Variants in OR3A2 observed in about 807,000 individuals in gnomAD.
OR3A2 encodes the protein olfactory receptor 3A2.
For missense variants in OR3A2, 318 were observed against 392.8 expected, an observed-to-expected ratio of 0.81 and a Z score of 1.61; for synonymous variants, 126 against 159.3, an observed-to-expected ratio of 0.79 and a Z score of 1.57.
intron 2 of OR3A2, among the ~76,000 whole-genome samples, chr17:3,341,305 T>C (rs1441318059): frequency 1.1e-4 from 16 of 152,210 alleles, no homozygotes; most frequent in Non-Finnish European, 1.0e-4. Flanking sequence ...ATTCTGTCAT[T>C]ATGATGTTAG....
At chr17:3,281,145 T>A (rs1316177677) in intron 1 of OR3A2, among the ~76,000 whole-genome samples, 1 of 152,098 alleles carries the variant, frequency 6.6e-6, no homozygotes, top group Non-Finnish European at 1.5e-5. Flanking sequence ...ACATTAGATT[T>A]ATGTGGGAGC....
intron 3 of OR3A2, among the ~76,000 whole-genome samples, chr17:3,332,721 C>G (rs2049248123): frequency 6.6e-6 from 1 of 152,214 alleles, no homozygotes; most frequent in South Asian, 2.1e-4. Flanking sequence ...ATCTTGGCTC[C>G]TCCCCTCTTA....
intron 2 of OR3A2, among the ~76,000 whole-genome samples, chr17:3,361,877 C>T (rs2049519843): frequency 6.6e-6 from 1 of 151,350 alleles, no homozygotes; most frequent in South Asian, 2.1e-4. Flanking sequence ...CTAAAATTCT[C>T]TTTTTTTGTT....
At chr17:3,318,511 G>A (rs1401214146) in intron 3 of OR3A2, among the ~76,000 whole-genome samples, 1 of 152,162 alleles carries the variant, frequency 6.6e-6, no homozygotes, top group Non-Finnish European at 1.5e-5. Context: ...TCTGCTTATC[G>A]AGACCGCATT....
At chr17:3,346,530 A>G (rs2150650796) in intron 2 of OR3A2, among the ~76,000 whole-genome samples, 1 of 152,310 alleles carries the variant, frequency 6.6e-6, no homozygotes, top group Non-Finnish European at 1.5e-5. Flanking sequence ...TTGTGTCACA[A>G]ACAATCCAAT....
intron 2 of OR3A2, among the ~76,000 whole-genome samples, chr17:3,344,794 G>T (rs530171500): frequency 1.1e-3 from 161 of 152,260 alleles, no homozygotes; most frequent in African/African-American, 3.6e-3. Context: ...TTAGGGAAGG[G>T]CATCTGACCC....
chr17:3,321,053 A>C lies in OR3A2; in HGVS notation c.-85+14980T>G, dbSNP rs186875189. On this transcript the variant is annotated intron_variant, in intron 3 of 4. Coordinates refer to the OR3A2 transcript ENST00000573491. The stretch of plus-strand genomic sequence containing the variant: ...ATTTCTTTGTATCCTCTTTTATTTC[A>C]TTGAGCAGTGGTTTGTAGTTCTCCT... 5.8e-4 allele frequency among the ~76,000 whole-genome samples: 88 copies of C among 152,054 alleles called. No homozygotes were observed. The South Asian group carries it at 6.7e-3, about 11-fold the overall frequency.
intron 2 of OR3A2, among the ~76,000 whole-genome samples, chr17:3,340,467 G>A (rs1159672880): frequency 1.3e-5 from 2 of 152,126 alleles, no homozygotes; most frequent in Non-Finnish European, 2.9e-5. Context: ...GGTACGTTGT[G>A]TCTTTGTTCT....
intron 2 of OR3A2, among the ~76,000 whole-genome samples, chr17:3,361,580 G>A (rs910768427): frequency 5.9e-5 from 9 of 151,530 alleles, no homozygotes; most frequent in Non-Finnish European, 1.3e-4. Context: ...ATTATTTTGA[G>A]ATACGTCCCA....
intron 2 of OR3A2, among the ~76,000 whole-genome samples, chr17:3,356,044 C>T (rs901747511): frequency 2.0e-5 from 3 of 151,094 alleles, no homozygotes; most frequent in Admixed American, 1.3e-4. Flanking sequence ...TGTCTCATAA[C>T]CCATTATTTT....
At chr17:3,290,231 C>T (rs147561526) in intron 3 of OR3A2, among the ~76,000 whole-genome samples, 236 of 152,238 alleles carry the variant, frequency 1.6e-3, no homozygotes, top group African/African-American at 5.2e-3. Flanking sequence ...GAATGGGAAG[C>T]CCACATCTCT....
At chr17:3,301,174 C>T (rs1404980380) in intron 3 of OR3A2, among the ~76,000 whole-genome samples, 1 of 152,100 alleles carries the variant, frequency 6.6e-6, no homozygotes, top group Admixed American at 6.5e-5. Flanking sequence ...GTCTTTATAG[C>T]AGCATGATTT....
At chr17:3,351,037 A>C (rs2049415765) in intron 2 of OR3A2, among the ~76,000 whole-genome samples, 1 of 151,960 alleles carries the variant, frequency 6.6e-6, no homozygotes, top group Non-Finnish European at 1.5e-5. Flanking sequence ...CGTATTTCAA[A>C]ATAATAAGAG....
At chr17:3,282,582 G>T (rs1313926830) in intron 1 of OR3A2, among the ~76,000 whole-genome samples, 1 of 152,206 alleles carries the variant, frequency 6.6e-6, no homozygotes, top group Non-Finnish European at 1.5e-5. Flanking sequence ...AAGCTGCAGA[G>T]GGGATGCCAC....
At chr17:3,367,133 C>T (rs1180979958) in intron 2 of OR3A2, among the ~76,000 whole-genome samples, 1 of 152,218 alleles carries the variant, frequency 6.6e-6, no homozygotes, top group Non-Finnish European at 1.5e-5. Context: ...AATGACCTAT[C>T]AGGGCCACAC....
At chr17:3,307,671 T>C (rs2049008704) in intron 3 of OR3A2, among the ~76,000 whole-genome samples, 1 of 152,138 alleles carries the variant, frequency 6.6e-6, no homozygotes, top group South Asian at 2.1e-4. Context: ...TAGATTACAC[T>C]GTGGGAGCCC....
At chr17:3,349,210 T>C (rs909303239) in intron 2 of OR3A2, among the ~76,000 whole-genome samples, 4 of 152,116 alleles carry the variant, frequency 2.6e-5, no homozygotes. Context: ...ATGGACTAAA[T>C]GCTCCAATTA....
At chr17:3,383,858 C>T (rs1190820959) in exon 2 of OR3A2, 2 of 152,146 alleles carry the variant, frequency 1.3e-5, no homozygotes, top group Non-Finnish European at 2.9e-5. Context: ...CTCTCCTTCA[C>T]GGTCCCTTCA....
chr17:3,338,390 T>C (rs1018167854), intron 2 of OR3A2, among the ~76,000 whole-genome samples: 4 of 152,178 alleles, frequency 2.6e-5, no homozygotes, highest in Non-Finnish European at 5.9e-5. Flanking sequence ...TCTTCTAGGG[T>C]TTTTATGGTT....
Sources: allele counts gnomAD v4.1 joint callset (sites outside exome capture counted in the v4.1 genomes callset), GRCh38; gene constraint gnomAD v4.1.1; transcripts MANE v1.5; gene names NCBI Gene and HGNC (gene_info 2026-07-23, HGNC 2026-07-21).